The following MAST4 variants were observed in gnomAD, a reference collection of about 807,000 sequenced individuals.
MAST4 encodes the protein microtubule associated serine/threonine kinase family member 4.
Under a neutral mutation model 162.7 loss-of-function variants are expected in MAST4, and 89 were observed. That is an observed-to-expected ratio of 0.55 (90% CI 0.46 to 0.65). The LOEUF is 0.65. MAST4 is among the 30% of genes least tolerant of loss of function. The pLI, the probability that MAST4 is intolerant of heterozygous loss-of-function variation, is 0.00. For synonymous variants in MAST4, 1,479 were observed against 1,361.1 expected, an observed-to-expected ratio of 1.09 and a Z score of -1.91; for missense variants, 3,153 against 3,374.0, an observed-to-expected ratio of 0.93 and a Z score of 1.62.
intron 4 of MAST4, among the ~76,000 whole-genome samples, chr5:67,010,518 C>T (rs946344181): frequency 2.0e-5 from 3 of 152,120 alleles, no homozygotes; most frequent in African/African-American, 7.2e-5. Context: ...TACATAAATC[C>T]AGGGCACTCA....
In MAST4 at chr5:66,982,419, T is replaced by C. The variant is rs199802197; in HGVS notation, c.675-71985T>C. 4.6e-5 allele frequency among the ~76,000 whole-genome samples: 7 copies of C among 152,326 alleles called. No homozygotes were observed. The East Asian group carries it at 1.3e-3, about 29-fold the overall frequency. ...CTGAATGTGTCTGGACACCATGACCTGCCTAACTAGGAAAATTATGTCATA... is the reference window on the plus strand; with the variant it reads ...CTGAATGTGTCTGGACACCATGACCCGCCTAACTAGGAAAATTATGTCATA... On this transcript the variant is annotated intron_variant, in intron 4 of 28. Transcript: ENST00000403625.
intron 3 of MAST4, chr5:66,792,112 C>T (rs898230095): frequency 1.2e-5 from 2 of 164,838 alleles, no homozygotes; most frequent in Admixed American, 1.3e-4. Flanking sequence ...ACTAATAGAC[C>T]TGAGAGAGAA....
Position 67,054,423 on chromosome 5 carries a change from A to G in MAST4, c.694A>G (p.Lys232Glu), listed in dbSNP as rs1758556790. The G allele has an allele frequency of 6.2e-7, 1 of 1,607,552 alleles. No individual in the cohort carries two copies. The highest frequency in any genetic ancestry group is 2.2e-5 in the East Asian group (1 of 44,538). Reference sequence around the variant, plus strand: ...TGATAGTTGCCGAACAAGCAACCGGAAAAGCTTAATAGGCAATGGGCAGTC... The same window carrying G: ...TGATAGTTGCCGAACAAGCAACCGGGAAAGCTTAATAGGCAATGGGCAGTC... ...RGSFCRTSNR[K>E]SLIGNGQSPA... The change falls in exon 5 of 29, where the codon AAA (lysine) becomes GAA (glutamate). Residue 232 changes from lysine to glutamate, a missense_variant. Coordinates refer to ENST00000403625, the MANE Select transcript of MAST4 (RefSeq NM_001164664.2).
chr5:66,979,505 A>C lies in MAST4; in HGVS notation c.675-74899A>C, dbSNP rs117914572. ...TTTGGAGAAACACCTGAATGGCCTT[A>C]AGGTCCAATTTGGGTTCACCCTCTA... On this transcript the variant is annotated intron_variant, in intron 4 of 28. Transcript: ENST00000403625. Among the ~76,000 whole-genome samples, 28 of 152,330 alleles carry C rather than the reference A, an allele frequency of 1.8e-4. No individual in the cohort carries two copies. The East Asian group carries it at 5.4e-3, about 29-fold the overall frequency.
chr5:66,806,349 C>T (rs1756185367), intron 3 of MAST4, among the ~76,000 whole-genome samples: 1 of 152,222 alleles, frequency 6.6e-6, no homozygotes, highest in South Asian at 2.1e-4. Flanking sequence ...CTAGATGCAG[C>T]TGAAGTTGCT....
intron 4 of MAST4, among the ~76,000 whole-genome samples, chr5:67,009,783 G>A (rs1209961933): frequency 6.6e-6 from 1 of 152,162 alleles, no homozygotes; most frequent in Admixed American, 6.6e-5. Flanking sequence ...CCACACTGGG[G>A]TTTAGGTCTG....
chr5:66,867,857 A>G (rs1023616188), intron 3 of MAST4, among the ~76,000 whole-genome samples: 17 of 152,236 alleles, frequency 1.1e-4, no homozygotes, highest in Non-Finnish European at 2.9e-5. Flanking sequence ...TGTTGATGGC[A>G]TTAACCAGGA....
chr5:66,866,306 G>T (rs1760516172), intron 3 of MAST4, among the ~76,000 whole-genome samples: 1 of 152,114 alleles, frequency 6.6e-6, no homozygotes, highest in Non-Finnish European at 1.5e-5. Flanking sequence ...GAGAGAAAAT[G>T]ATCTCTTCTC....
intron 18 of MAST4, 64 bp from the exon 19 acceptor site, chr5:67,136,499 A>G (rs1769660745): frequency 1.6e-6 from 2 of 1,217,262 alleles, no homozygotes; most frequent in African/African-American, 1.5e-5. Context: ...GGTGATGTCC[A>G]TGTTGCTGGG....
chr5:66,808,205 C>A (rs112036757), intron 3 of MAST4, among the ~76,000 whole-genome samples: 1 of 152,086 alleles, frequency 6.6e-6, no homozygotes, highest in Non-Finnish European at 1.5e-5. Context: ...TGCTTTACAC[C>A]GCAGCCTGAG....
At chr5:67,077,556 A>G (rs185322706) in intron 5 of MAST4, among the ~76,000 whole-genome samples, 1 of 152,108 alleles carries the variant, frequency 6.6e-6, no homozygotes, top group East Asian at 1.9e-4. Context: ...TCATCCATCC[A>G]CTTTGCTCCT....
At chr5:66,777,033 G>T (rs557870346) in intron 2 of MAST4, among the ~76,000 whole-genome samples, 4 of 152,274 alleles carry the variant, frequency 2.6e-5, no homozygotes, top group African/African-American at 9.6e-5. Context: ...TTTTGTGCTG[G>T]GCACTTTAAC....
chr5:67,148,356 G>A (rs928159689), intron 23 of MAST4, among the ~76,000 whole-genome samples: 6 of 152,230 alleles, frequency 3.9e-5, no homozygotes, highest in African/African-American at 1.4e-4. Context: ...ATAGAAAACC[G>A]ATAACCTGGG....
intron 1 of MAST4, among the ~76,000 whole-genome samples, chr5:66,658,421 G>GT (rs1447041356): frequency 4.6e-5 from 7 of 152,146 alleles, no homozygotes; most frequent in South Asian, 2.1e-4. Context: ...ACTGTTATGG[G>GT]TTTTTTCCCC....
At chr5:66,832,046 A>G (rs1249653515) in intron 3 of MAST4, among the ~76,000 whole-genome samples, 1 of 152,176 alleles carries the variant, frequency 6.6e-6, no homozygotes. Context: ...CTAATGTGAT[A>G]GATCCTAAGG....
chr5:66,824,283 A>G (rs1757135366), intron 3 of MAST4, among the ~76,000 whole-genome samples: 1 of 152,178 alleles, frequency 6.6e-6, no homozygotes, highest in South Asian at 2.1e-4. Context: ...CTAGCACACC[A>G]AGAACTCTGA....
rs140538748 is a variant in MAST4 at position 66,978,191 on chromosome 5, C to T, written c.675-76213C>T. Among the ~76,000 whole-genome samples the T allele has an allele frequency of 5.0e-3, 763 of 152,224 alleles. 6 individuals carry two copies. Among genetic ancestry groups the T allele is most frequent in the African/African-American group, 0.017 (726 of 41,536 alleles). ...CTAAAAGCTAAAATCAGAAATCTTT[C>T]TAGTAAAGTAAAATGCACTCCTCTA... On this transcript the variant is annotated intron_variant, in intron 4 of 28. Coordinates refer to ENST00000403625, the MANE Select transcript of MAST4 (RefSeq NM_001164664.2).
chr5:66,894,048 A>G (rs1478508226), intron 3 of MAST4, among the ~76,000 whole-genome samples: 1 of 152,214 alleles, frequency 6.6e-6, no homozygotes, highest in Non-Finnish European at 1.5e-5. Flanking sequence ...CTCCATTTTG[A>G]GTACCTTTCC....
At chr5:66,959,391 T>A (rs1446206705) in intron 4 of MAST4, 2 of 755,444 alleles carry the variant, frequency 2.6e-6, no homozygotes, top group Non-Finnish European at 4.9e-6. Flanking sequence ...ACTGACAGCC[T>A]CAGAGCACTG....
Sources: allele counts gnomAD v4.1 joint callset (sites outside exome capture counted in the v4.1 genomes callset), GRCh38; gene constraint gnomAD v4.1.1; transcripts MANE v1.5; gene names NCBI Gene and HGNC (gene_info 2026-07-23, HGNC 2026-07-21).